Variants in MYO18B observed in about 807,000 individuals in gnomAD.
MYO18B encodes the protein unconventional myosin-XVIIIb.
MYO18B carries 204 observed loss-of-function variants against 273.0 expected under a neutral mutation model. That is an observed-to-expected ratio of 0.75 (90% confidence interval 0.67 to 0.84). MYO18B has a LOEUF of 0.84. Among genes scored for constraint, MYO18B ranks in the 40% least tolerant of loss-of-function variants. The probability of loss-of-function intolerance (pLI) is 0.00; values close to 1 mark genes in which losing one functional copy is unlikely to be tolerated. For missense variants in MYO18B, 3,212 were observed against 3,287.6 expected (o/e 0.98, Z 0.56); for synonymous variants, 1,330 against 1,305.7 (o/e 1.02, Z -0.40).
chr22:25,827,370 T>C (rs1013655938), intron 14 of MYO18B, among the ~76,000 whole-genome samples: 2 of 152,174 alleles, frequency 1.3e-5, no homozygotes, highest in African/African-American at 4.8e-5. Flanking sequence ...AGCAACATGG[T>C]AGAAATTTGG....
chr22:25,807,294 G>C (rs2088522002), intron 12 of MYO18B, among the ~76,000 whole-genome samples: 2 of 152,230 alleles, frequency 1.3e-5, no homozygotes, highest in South Asian at 4.1e-4. Flanking sequence ...GCAGTGGTTA[G>C]AGCACAGTCT....
At chr22:25,841,703 CTTCT>C (rs1429615392) in intron 17 of MYO18B, among the ~76,000 whole-genome samples, 4 of 152,222 alleles carry the variant, frequency 2.6e-5, no homozygotes, top group African/African-American at 7.2e-5. Context: ...AACATCCTTT[CTTCT>C]TTCTTCCCTG....
chr22:26,027,965 C>T lies in MYO18B; in HGVS notation c.*12+275C>T, dbSNP rs1046549047. Among the ~76,000 whole-genome samples the T allele has an allele frequency of 2.0e-5, 3 of 151,944 alleles. No individual in the cohort carries two copies. The highest frequency in any genetic ancestry group is 4.4e-5 in the Non-Finnish European group (3 of 67,966). The stretch of plus-strand genomic sequence containing the variant: ...CGCTAAAGAAGGTGCCAGATGTAGC[C>T]GGGCGCGGTGGCTCACGCCTGTAAT... On this transcript the variant is annotated intron_variant, in intron 43 of 43. Transcript: ENST00000335473. The surrounding 1 kb of genome is among the most constrained non-coding windows in gnomAD (Gnocchi z 4.1).
chr22:25,993,526 A>C (rs574113543), intron 40 of MYO18B, among the ~76,000 whole-genome samples: 1 of 152,296 alleles, frequency 6.6e-6, no homozygotes, highest in East Asian at 1.9e-4. Flanking sequence ...CAGCCAGGAC[A>C]GTCAAACATC....
In MYO18B at chr22:25,883,509, T is replaced by G. The variant is rs1440943882; in HGVS notation, c.4314+5461T>G. On this transcript the variant is annotated intron_variant, in intron 25 of 43. Coordinates refer to ENST00000335473, the MANE Select transcript of MYO18B (RefSeq NM_032608.7). The surrounding 1 kb of genome is among the most constrained non-coding windows in gnomAD (Gnocchi z 7.6). The stretch of plus-strand genomic sequence containing the variant: ...TTCTAACATGCTAGAGTGCTAAAGG[T>G]GCCTGTCCTGGGACCACACTTTGAG... The G allele has an allele frequency of 1.3e-5, 2 of 152,152 alleles. No individual in the cohort carries two copies. Among genetic ancestry groups the G allele is most frequent in the Non-Finnish European group, 2.9e-5 (2 of 68,026 alleles). The allele number at this position is 152,152 out of a possible 1,614,324, so 9.4% of individuals were successfully genotyped here. A position where few individuals can be genotyped will look rare whatever the true frequency, so the allele number is the denominator to read the frequency against.
chr22:25,789,977 A>G (rs1254301569), intron 11 of MYO18B, among the ~76,000 whole-genome samples: 2 of 152,098 alleles, frequency 1.3e-5, no homozygotes, highest in Non-Finnish European at 2.9e-5. Context: ...TTATGGTGAA[A>G]CCCTGTCTCT....
At chr22:25,892,981 C>A (rs1365316769) in intron 27 of MYO18B, among the ~76,000 whole-genome samples, 3 of 152,186 alleles carry the variant, frequency 2.0e-5, no homozygotes, top group Admixed American at 6.5e-5. Context: ...GGGACATGTG[C>A]TTAGCTCATG....
At chr22:25,956,289 C>T (rs1052887934) in intron 39 of MYO18B, among the ~76,000 whole-genome samples, 10 of 151,276 alleles carry the variant, frequency 6.6e-5, no homozygotes, top group East Asian at 1.9e-4. Context: ...GATCTCAGCT[C>T]ACTATAATCT....
chr22:25,848,969 A>G (rs2090340362), intron 20 of MYO18B, among the ~76,000 whole-genome samples: 1 of 152,234 alleles, frequency 6.6e-6, no homozygotes, highest in Non-Finnish European at 1.5e-5. Context: ...GGGAGCAGCT[A>G]GAAGCAAAGA....
intron 42 of MYO18B, among the ~76,000 whole-genome samples, chr22:26,026,170 A>G (rs1936222162): frequency 6.6e-6 from 1 of 152,192 alleles, no homozygotes; most frequent in Non-Finnish European, 1.5e-5. Context: ...TGCCTCATAA[A>G]TCTAATTCAT....
intron 25 of MYO18B, among the ~76,000 whole-genome samples, chr22:25,880,026 A>G (rs1232007139): frequency 2.6e-5 from 4 of 152,192 alleles, no homozygotes; most frequent in Admixed American, 2.6e-4. Flanking sequence ...ACAATTTGAT[A>G]TGAGGTTTGG....
chr22:26,063,669 A>G, the MYO18B span, among the ~76,000 whole-genome samples: 4 of 151,980 alleles, frequency 2.6e-5, no homozygotes, highest in Non-Finnish European at 4.4e-5. Flanking sequence ...CCACCCCAAA[A>G]TCCAAAGTTT....
chr22:25,780,317 G>T, intron 9 of MYO18B, 119 bp downstream of exon 9: 3 of 1,280,182 alleles, frequency 2.3e-6, no homozygotes, highest in South Asian at 1.5e-5. Context: ...AATGGTCATG[G>T]CGGTGGCTCA....
intron 34 of MYO18B, among the ~76,000 whole-genome samples, chr22:25,925,172 T>G (rs2146465666): frequency 6.6e-6 from 1 of 152,286 alleles, no homozygotes; most frequent in African/African-American, 2.4e-5. Context: ...CAAATTTGGC[T>G]GCACATCAGA....
At chr22:25,781,456 A>G (rs550729432) in intron 9 of MYO18B, among the ~76,000 whole-genome samples, 43 of 152,150 alleles carry the variant, frequency 2.8e-4, no homozygotes, top group South Asian at 2.1e-4. Flanking sequence ...AAAAAAACAA[A>G]AAAATTAGCC....
intron 39 of MYO18B, among the ~76,000 whole-genome samples, chr22:25,956,511 C>T (rs1052876643): frequency 5.3e-5 from 8 of 152,280 alleles, no homozygotes; most frequent in East Asian, 3.9e-4. Flanking sequence ...CCACTGCGCC[C>T]GGCCCCAAGG....
At chr22:25,807,692 A>G (rs1055959063) in intron 12 of MYO18B, among the ~76,000 whole-genome samples, 1 of 152,126 alleles carries the variant, frequency 6.6e-6, no homozygotes, top group Non-Finnish European at 1.5e-5. Context: ...CTGAGTGGCA[A>G]CACTTCTGCC....
chr22:25,778,310 C>T (rs552472252), intron 8 of MYO18B, among the ~76,000 whole-genome samples: 1 of 152,156 alleles, frequency 6.6e-6, no homozygotes, highest in East Asian at 1.9e-4. Context: ...GGAAGAAACT[C>T]AGGGAGCGCA....
intron 39 of MYO18B, 98 bp from the exon 40 acceptor site, chr22:25,992,265 C>T: frequency 6.7e-7 from 1 of 1,490,298 alleles, no homozygotes. Flanking sequence ...GCTCAGTGAA[C>T]ACTAGGCTCA....
Sources: gnomAD v4.1 joint callset for allele counts (sites outside exome capture counted in the v4.1 genomes callset) on GRCh38, gnomAD v4.1.1 for gene constraint, Gnocchi (gnomAD v3.1) non-coding constraint, MANE v1.5 for transcripts, NCBI Gene and HGNC (gene_info 2026-07-23, HGNC 2026-07-21) for gene names.